CFAP299: variants seen among roughly 807,000 people sequenced by gnomAD.
CFAP299 encodes the protein cilia and flagella associated protein 299, also known as cilia- and flagella-associated protein 299.
In CFAP299, 21 loss-of-function variants were observed where a neutral mutation model predicts 27.0. That is an observed-to-expected ratio of 0.78 (90% CI 0.55 to 1.12). The LOEUF is 1.12. Ranked by LOEUF, CFAP299 falls within the 50% of genes most tolerant of loss-of-function variation. The pLI, the probability that CFAP299 is intolerant of heterozygous loss-of-function variation, is 0.00. For missense variants in CFAP299, 310 were observed against 276.6 expected, an observed-to-expected ratio of 1.12 and a Z score of -0.86; for synonymous variants, 104 against 98.1, an observed-to-expected ratio of 1.06 and a Z score of -0.36.
intron 3 of CFAP299, among the ~76,000 whole-genome samples, chr4:80,710,464 G>T: frequency 6.8e-6 from 1 of 146,854 alleles, no homozygotes; most frequent in Admixed American, 7.0e-5. Context: ...CTCATAACGT[G>T]GGCTTTCTTT....
intron 3 of CFAP299, among the ~76,000 whole-genome samples, chr4:80,785,022 C>T (rs937943465): frequency 2.0e-5 from 3 of 151,704 alleles, no homozygotes. Context: ...TGATTGTTTT[C>T]TTTGCTGTGC....
chr4:80,748,331 ATTAAC>A (rs1459931916), intron 3 of CFAP299, among the ~76,000 whole-genome samples: 1 of 152,154 alleles, frequency 6.6e-6, no homozygotes, highest in East Asian at 1.9e-4. Flanking sequence ...GAATGGAAAT[ATTAAC>A]TTATCATTCC....
intron 3 of CFAP299, among the ~76,000 whole-genome samples, chr4:80,602,970 A>G (rs1037614431): frequency 2.6e-5 from 4 of 152,046 alleles, no homozygotes; most frequent in African/African-American, 9.7e-5. Context: ...GATGCCCCCC[A>G]TGCTGTATTT....
chr4:80,466,233 G>A (rs1266390655), intron 2 of CFAP299, among the ~76,000 whole-genome samples: 1 of 152,130 alleles, frequency 6.6e-6, no homozygotes, highest in Admixed American at 6.6e-5. Flanking sequence ...GTAAAAAATG[G>A]CATAAAGTAC....
At chr4:80,662,436 G>A (rs1207407609) in intron 3 of CFAP299, among the ~76,000 whole-genome samples, 1 of 151,258 alleles carries the variant, frequency 6.6e-6, no homozygotes, top group Non-Finnish European at 1.5e-5. Flanking sequence ...GTGTTGATGG[G>A]TTAGGAAGTC....
intron 1 of CFAP299, among the ~76,000 whole-genome samples, chr4:80,361,694 TG>T (rs1378870588): frequency 6.6e-6 from 1 of 152,180 alleles, no homozygotes; most frequent in Non-Finnish European, 1.5e-5. Flanking sequence ...TTGTTTTTAA[TG>T]ATTATAAAAG....
intron 3 of CFAP299, among the ~76,000 whole-genome samples, chr4:80,586,863 A>G (rs1291902140): frequency 6.6e-6 from 1 of 152,184 alleles, no homozygotes; most frequent in African/African-American, 2.4e-5. Flanking sequence ...GACTATGTAA[A>G]CAGTCACATG....
intron 3 of CFAP299, among the ~76,000 whole-genome samples, chr4:80,728,580 G>A (rs948878910): frequency 6.6e-6 from 1 of 152,028 alleles, no homozygotes; most frequent in African/African-American, 2.4e-5. Context: ...AACCAATCCA[G>A]AAGCCTGGAA....
chr4:80,907,575 G>C (rs979320449), intron 4 of CFAP299, among the ~76,000 whole-genome samples: 3 of 152,166 alleles, frequency 2.0e-5, no homozygotes, highest in African/African-American at 7.2e-5. Context: ...CATGGCAGAA[G>C]GGGAAGCATG....
At chr4:80,739,652 T>C (rs1724135921) in intron 3 of CFAP299, among the ~76,000 whole-genome samples, 1 of 152,104 alleles carries the variant, frequency 6.6e-6, no homozygotes, top group African/African-American at 2.4e-5. Flanking sequence ...TTAAGTCCCC[T>C]GACATAGTCT....
At chr4:80,449,087 G>C (rs557665811) in intron 2 of CFAP299, among the ~76,000 whole-genome samples, 1 of 152,212 alleles carries the variant, frequency 6.6e-6, no homozygotes, top group Admixed American at 6.5e-5. Flanking sequence ...TTTGCGGATG[G>C]TCTTGTATCC....
chr4:80,850,805 T>A (rs1374308233), intron 3 of CFAP299, among the ~76,000 whole-genome samples: 6 of 152,076 alleles, frequency 3.9e-5, no homozygotes, highest in Non-Finnish European at 8.8e-5. Context: ...GTTATGATAG[T>A]TCAACAGGGA....
intron 3 of CFAP299, among the ~76,000 whole-genome samples, chr4:80,777,189 AT>A (rs1726596837): frequency 6.6e-6 from 1 of 152,146 alleles, no homozygotes. Flanking sequence ...ATAGAGAAGC[AT>A]TTGTGTTTTG....
intron 4 of CFAP299, among the ~76,000 whole-genome samples, chr4:80,891,093 G>T (rs1198457198): frequency 1.1e-4 from 16 of 150,492 alleles, no homozygotes; most frequent in South Asian, 2.1e-4. Flanking sequence ...TTTTGGCTTT[G>T]GTTGCCATTG....
chr4:80,577,661 A>G (rs1299280318), intron 2 of CFAP299, among the ~76,000 whole-genome samples: 4 of 152,152 alleles, frequency 2.6e-5, no homozygotes, highest in African/African-American at 7.2e-5. Context: ...TCGGCCTCGC[A>G]AAATGCTGGG....
chr4:80,390,647 A>ATATATGTATACACATATATGTC lies in CFAP299; in HGVS notation c.242+27764_242+27765insATATGTATACACATATATGTCT, dbSNP rs1380295996. On this transcript the variant is annotated intron_variant, in intron 2 of 5. Coordinates refer to ENST00000358105, the MANE Select transcript of CFAP299 (RefSeq NM_152770.3). Reference sequence around the variant, plus strand: ...TGTATATATGTATACACATATATGTATGTACACACATATGTATATATGTAT... The same window carrying ATATATGTATACACATATATGTC: ...TGTATATATGTATACACATATATGTATATATGTATACACATATATGTCTGTACACACATATGTATATATGTAT... Among the ~76,000 whole-genome samples, 96 of 114,502 alleles carry ATATATGTATACACATATATGTC rather than the reference A, an allele frequency of 8.4e-4. 1 individual carries two copies. The highest frequency in any genetic ancestry group is 3.0e-3 in the African/African-American group (83 of 27,686). The allele number at this position is 114,502 out of a possible 152,430, so 75.1% of individuals were successfully genotyped here.
intron 3 of CFAP299, among the ~76,000 whole-genome samples, chr4:80,855,622 G>T (rs1731817486): frequency 6.6e-6 from 1 of 151,698 alleles, no homozygotes; most frequent in Non-Finnish European, 1.5e-5. Flanking sequence ...TGTTCTCATT[G>T]TTCAATTCCC....
At chr4:80,660,109 T>G (rs1740764484) in intron 3 of CFAP299, among the ~76,000 whole-genome samples, 1 of 151,978 alleles carries the variant, frequency 6.6e-6, no homozygotes, top group Non-Finnish European at 1.5e-5. Context: ...CAGAAAAAAA[T>G]TATACTACAT....
intron 3 of CFAP299, among the ~76,000 whole-genome samples, chr4:80,730,246 C>CTGTGTG (rs1246881788): frequency 3.7e-5 from 5 of 134,858 alleles, no homozygotes; most frequent in East Asian, 4.9e-4. Flanking sequence ...CTCTCTCTCT[C>CTGTGTG]TCTGTGTGTG....
Sources: gnomAD v4.1 joint callset for allele counts (sites outside exome capture counted in the v4.1 genomes callset) on GRCh38, gnomAD v4.1.1 for gene constraint, MANE v1.5 for transcripts, NCBI Gene and HGNC (gene_info 2026-07-23, HGNC 2026-07-21) for gene names.